Variants in CEP57L1 observed in about 807,000 individuals in gnomAD.
CEP57L1 encodes centrosomal protein CEP57L1.
In CEP57L1, 37 loss-of-function variants were observed where a neutral mutation model predicts 61.0. The ratio of observed to expected loss-of-function variants is 0.61; its 90% confidence interval spans 0.47 to 0.80. The LOEUF (loss-of-function observed/expected upper bound fraction) is 0.80. Ranked by LOEUF, CEP57L1 falls within the 30% of genes least tolerant of loss-of-function variation. The pLI is 0.00. For missense variants in CEP57L1, 422 were observed against 524.7 expected (o/e 0.80, Z 1.91); for synonymous variants, 137 against 162.3 (o/e 0.84, Z 1.19).
At chr6:109,148,453 C>A (rs1388022128) in intron 3 of CEP57L1, among the ~76,000 whole-genome samples, 5 of 152,044 alleles carry the variant, frequency 3.3e-5, no homozygotes, top group Admixed American at 2.0e-4. Flanking sequence ...TGAACTCATC[C>A]TTTTTTATGG....
intron 3 of CEP57L1, among the ~76,000 whole-genome samples, chr6:109,149,616 C>T (rs1277977908): frequency 6.6e-6 from 1 of 151,706 alleles, no homozygotes; most frequent in East Asian, 1.9e-4. Context: ...TTTTTTGGTT[C>T]CATATGAACT....
chr6:109,114,293 T>C (rs1177400401), intron 1 of CEP57L1, among the ~76,000 whole-genome samples: 1 of 152,202 alleles, frequency 6.6e-6, no homozygotes. Context: ...TTAATTTTCA[T>C]TTCTTTGATG....
intron 7 of CEP57L1, chr6:109,157,751 C>CT (rs1483173872): frequency 1.3e-5 from 2 of 152,160 alleles, no homozygotes; most frequent in African/African-American, 4.8e-5. Context: ...ATTCTATAAA[C>CT]AGGAACTATT....
chr6:109,158,197 G>T, intron 7 of CEP57L1: 1 of 157,070 alleles, frequency 6.4e-6, no homozygotes, highest in Non-Finnish European at 1.4e-5. Context: ...TCTGTTAAAG[G>T]ATATCTGGAG....
chr6:109,147,108 G>A (rs1422205223), intron 3 of CEP57L1, among the ~76,000 whole-genome samples, 171 bp downstream of exon 3: 1 of 151,908 alleles, frequency 6.6e-6, no homozygotes, highest in Non-Finnish European at 1.5e-5. Flanking sequence ...ATACAGTTTT[G>A]AACTTACCTC....
At chr6:109,146,677 T>G (rs556104758) in intron 2 of CEP57L1, 81 bp from the exon 3 acceptor site, 2 of 947,666 alleles carry the variant, frequency 2.1e-6, no homozygotes, top group African/African-American at 1.7e-5. Flanking sequence ...AAAAATATAC[T>G]GCTTATTTTT....
intron 1 of CEP57L1, among the ~76,000 whole-genome samples, chr6:109,122,285 A>C (rs1430840478): frequency 6.6e-6 from 1 of 152,110 alleles, no homozygotes; most frequent in Non-Finnish European, 1.5e-5. Context: ...CTTTTAGATA[A>C]AATTGCTTCT....
intron 1 of CEP57L1, among the ~76,000 whole-genome samples, chr6:109,143,678 G>GT (rs1282071090): frequency 2.0e-5 from 3 of 152,012 alleles, no homozygotes; most frequent in Non-Finnish European, 4.4e-5. Context: ...ATTTGGACCA[G>GT]TTTTTTAACT....
At chr6:109,161,508 G>T (rs1490559000) in intron 10 of CEP57L1, among the ~76,000 whole-genome samples, 1 of 151,880 alleles carries the variant, frequency 6.6e-6, no homozygotes, top group East Asian at 1.9e-4. Context: ...AAGCCTCCCC[G>T]CGTTTTATAG....
At chr6:109,125,720 A>AT (rs967943631) in intron 1 of CEP57L1, among the ~76,000 whole-genome samples, 7 of 151,494 alleles carry the variant, frequency 4.6e-5, no homozygotes, top group African/African-American at 1.7e-4. Flanking sequence ...TGATTGATTG[A>AT]TTGATTGATT....
intron 1 of CEP57L1, among the ~76,000 whole-genome samples, chr6:109,133,648 C>T (rs1361906603): frequency 6.6e-6 from 1 of 151,962 alleles, no homozygotes; most frequent in East Asian, 1.9e-4. Flanking sequence ...AAAAGATCAA[C>T]AAAATTGATA....
At chr6:109,110,922 AC>A (rs1281694765) in intron 1 of CEP57L1, among the ~76,000 whole-genome samples, 4 of 152,084 alleles carry the variant, frequency 2.6e-5, no homozygotes, top group Non-Finnish European at 4.4e-5. Context: ...TGTTTTTGTT[AC>A]TGTAGCCTTG....
rs1166014034 is a variant in CEP57L1 at position 109,173,041 on chromosome 6, T to A, written c.*10071T>A. Among the ~76,000 whole-genome samples the A allele has an allele frequency of 6.6e-6, 1 of 152,232 alleles. No individual in the cohort carries two copies. The highest frequency in any genetic ancestry group is 1.5e-5 in the Non-Finnish European group (1 of 68,036). ...AATGAGATGTGTGGCATGGTGATGG[T>A]TACAAAAGTGATTTGTTAATTATTG... On this transcript the variant is annotated 3_prime_UTR_variant, in exon 11 of 11. Coordinates refer to ENST00000517392, the MANE Select transcript of CEP57L1 (RefSeq NM_001271852.3).
At chr6:109,146,691 AT>A (rs1468885300) in intron 2 of CEP57L1, 66 bp from the exon 3 acceptor site, 53 of 1,058,798 alleles carry the variant, frequency 5.0e-5, no homozygotes, top group Non-Finnish European at 2.7e-6. Flanking sequence ...TATTTTTCTT[AT>A]GTTACTTTGA....
At chr6:109,134,424 G>C (rs1774575234) in intron 1 of CEP57L1, among the ~76,000 whole-genome samples, 1 of 152,054 alleles carries the variant, frequency 6.6e-6, no homozygotes, top group African/African-American at 2.4e-5. Flanking sequence ...AAAATAATAA[G>C]AGCTATTTAT....
chr6:109,122,077 G>GT (rs1232257389), intron 1 of CEP57L1, among the ~76,000 whole-genome samples: 1 of 152,172 alleles, frequency 6.6e-6, no homozygotes, highest in African/African-American at 2.4e-5. Flanking sequence ...GGCCTCAATT[G>GT]AAGTCAGATT....
At chr6:109,152,735 C>G (rs1415425878) in intron 4 of CEP57L1, among the ~76,000 whole-genome samples, 1 of 150,936 alleles carries the variant, frequency 6.6e-6, no homozygotes, top group East Asian at 1.9e-4. Context: ...AGCTGCTTTT[C>G]TATGTTAGAG....
At chr6:109,110,290 A>C (rs1162138204) in intron 1 of CEP57L1, among the ~76,000 whole-genome samples, 1 of 152,194 alleles carries the variant, frequency 6.6e-6, no homozygotes, top group Non-Finnish European at 1.5e-5. Context: ...TCTAATGACC[A>C]GTGATGATGA....
chr6:109,151,163 T>G (rs1446379055), intron 4 of CEP57L1, among the ~76,000 whole-genome samples: 1 of 152,212 alleles, frequency 6.6e-6, no homozygotes, highest in East Asian at 1.9e-4. Context: ...TCCTTGCATT[T>G]TCTTGGCAGA....
Sources: allele counts gnomAD v4.1 joint callset (sites outside exome capture counted in the v4.1 genomes callset), GRCh38; gene constraint gnomAD v4.1.1; transcripts MANE v1.5; gene names NCBI Gene and HGNC (gene_info 2026-07-23, HGNC 2026-07-21).